Variants in HAAO observed in about 807,000 individuals in gnomAD.
HAAO encodes the protein 3-hydroxyanthranilate 3,4-dioxygenase.
HAAO carries 49 observed loss-of-function variants against 46.2 expected under a neutral mutation model. The ratio of observed to expected loss-of-function variants is 1.06; its 90% CI spans 0.84 to 1.34. The LOEUF (loss-of-function observed/expected upper bound fraction) is 1.34, where lower values mean the gene tolerates loss of function less well. Ranked by LOEUF, HAAO falls within the 40% of genes most tolerant of loss-of-function variation. The pLI is 0.00. For missense variants in HAAO, 408 were observed against 364.5 expected, an observed-to-expected ratio of 1.12 and a Z score of -0.97; for synonymous variants, 157 against 145.2, an observed-to-expected ratio of 1.08 and a Z score of -0.58.
At chr2:42,775,835 A>G (rs557039639) in intron 4 of HAAO, among the ~76,000 whole-genome samples, 113 of 147,866 alleles carry the variant, frequency 7.6e-4, no homozygotes, top group African/African-American at 2.8e-3. Flanking sequence ...CAGCTGTTAA[A>G]CTGCTTACTT....
chr2:42,767,908 G>C lies in HAAO; in HGVS notation c.651C>G (p.Gly217=). ...YETQVIAYGQ[G]SSEGLRQNVD... ...CATTCTGTCTCAGGCCTTCGCTGCT[G>C]CCTTGCCCATAGGCGATCACCTGGT... The change falls in exon 8 of 10, where the codon GGC becomes GGG. Residue 217 remains glycine (G), a synonymous_variant. Coordinates refer to ENST00000294973, the MANE Select transcript of HAAO (RefSeq NM_012205.3). 2 of 1,613,970 alleles carry C rather than the reference G, an allele frequency of 1.2e-6. No homozygotes were observed. The highest frequency in any genetic ancestry group is 1.7e-6 in the Non-Finnish European group (2 of 1,179,838).
At chr2:42,772,985 A>G (rs1382092882) in intron 4 of HAAO, among the ~76,000 whole-genome samples, 9 of 151,870 alleles carry the variant, frequency 5.9e-5, no homozygotes, top group Non-Finnish European at 1.0e-4. Flanking sequence ...CTTTTGGAAA[A>G]TCTATTTCCC....
At chr2:42,782,508 G>A (rs1672076154) in intron 4 of HAAO, among the ~76,000 whole-genome samples, 1 of 152,158 alleles carries the variant, frequency 6.6e-6, no homozygotes, top group Non-Finnish European at 1.5e-5. Flanking sequence ...TGGGACCAGA[G>A]ACTCAATTTC....
intron 4 of HAAO, chr2:42,783,097 A>G: frequency 1.7e-6 from 1 of 576,680 alleles, no homozygotes; most frequent in Non-Finnish European, 3.1e-6. Context: ...GTGAGCTTCC[A>G]GGGGGTCACA....
intron 4 of HAAO, among the ~76,000 whole-genome samples, chr2:42,774,412 G>T (rs1316035036): frequency 1.3e-5 from 2 of 152,194 alleles, no homozygotes; most frequent in African/African-American, 2.4e-5. Context: ...AGGTGTGGGA[G>T]CACCCCCTCT....
chr2:42,767,755 C>T, intron 8 of HAAO, 78 bp from the exon 9 acceptor site: 2 of 1,524,346 alleles, frequency 1.3e-6, no homozygotes, highest in South Asian at 2.2e-5. Context: ...TCTGCCTGGG[C>T]CCCAAGGCCC....
At chr2:42,770,364 C>T (rs1671016394) in intron 5 of HAAO, 129 bp downstream of exon 5, 2 of 896,090 alleles carry the variant, frequency 2.2e-6, no homozygotes, top group African/African-American at 1.7e-5. Context: ...CTCCCCCCTC[C>T]CCCCGGCCTG....
At chr2:42,769,594 TGTGTGTGTGTGA>T in intron 7 of HAAO, 107 bp downstream of exon 7, 2 of 673,896 alleles carry the variant, frequency 3.0e-6, no homozygotes, top group Non-Finnish European at 2.4e-6. Context: ...TGTGTGTGTG[TGTGTGTGTGTGA>T]GTGTGTGTGT....
chr2:42,772,010 T>C (rs1421933073), intron 4 of HAAO, among the ~76,000 whole-genome samples: 3 of 152,226 alleles, frequency 2.0e-5, no homozygotes, highest in South Asian at 2.1e-4. Context: ...AAATGTGTTA[T>C]TGAATTTGCT....
chr2:42,768,312 G>C (rs1573894162), intron 7 of HAAO, among the ~76,000 whole-genome samples: 1 of 152,290 alleles, frequency 6.6e-6, no homozygotes, highest in South Asian at 2.1e-4. Flanking sequence ...GGAGGAGGAG[G>C]GGACAAGGAA....
In HAAO at chr2:42,767,263, G is replaced by T. The variant is rs1219887766; in HGVS notation, c.*174C>A. On this transcript the variant is annotated 3_prime_UTR_variant, in exon 10 of 10. Transcript: ENST00000294973. ...ATGGGGAGCTGCTGCCCGCCCAGGGGCATGGCATCTGGGCTGAGAAGGGCA... is the reference window on the plus strand; with the variant it reads ...ATGGGGAGCTGCTGCCCGCCCAGGGTCATGGCATCTGGGCTGAGAAGGGCA... 3.2e-6 allele frequency: 2 copies of T among 629,438 alleles called. No individual in the cohort carries two copies. Among genetic ancestry groups the T allele is most frequent in the African/African-American group, 1.8e-5 (1 of 55,294 alleles). The allele number at this position is 629,438 out of a possible 1,614,324, so 39.0% of individuals were successfully genotyped here.
chr2:42,767,415 G>A lies in HAAO; in HGVS notation c.*22C>T. 2 of 1,583,494 alleles carry A rather than the reference G, an allele frequency of 1.3e-6. No individual in the cohort carries two copies. The highest frequency in any genetic ancestry group is 1.7e-6 in the Non-Finnish European group (2 of 1,154,868). On this transcript the variant is annotated 3_prime_UTR_variant, in exon 10 of 10. Coordinates refer to ENST00000294973, the MANE Select transcript of HAAO (RefSeq NM_012205.3). ...GAGGGTGCTTGGCACACCTGTGGCT[G>A]CTTCAGGCCATGGCAAGAGGGTCAC...
chr2:42,767,837 C>A, intron 8 of HAAO, 23 bp downstream of exon 8: 1 of 1,611,916 alleles, frequency 6.2e-7, no homozygotes, highest in Non-Finnish European at 8.5e-7. Context: ...GGTTCTGCAA[C>A]CCTGTCCCTG....
chr2:42,789,390 T>G (rs1237955606), intron 1 of HAAO, among the ~76,000 whole-genome samples: 1 of 152,030 alleles, frequency 6.6e-6, no homozygotes, highest in Non-Finnish European at 1.5e-5. Flanking sequence ...GCCAACATGG[T>G]GAAACCCTGT....
intron 1 of HAAO, among the ~76,000 whole-genome samples, 158 bp downstream of exon 1, chr2:42,792,299 G>A (rs1305590960): frequency 6.6e-6 from 1 of 152,156 alleles, no homozygotes; most frequent in African/African-American, 2.4e-5. Flanking sequence ...TGGTGGAACC[G>A]GAACAGCCTG....
At chr2:42,769,086 C>T (rs796853026) in intron 7 of HAAO, among the ~76,000 whole-genome samples, 9 of 152,308 alleles carry the variant, frequency 5.9e-5, no homozygotes, top group African/African-American at 1.9e-4. Context: ...GAGTGGGTTC[C>T]TCCTTTATCC....
chr2:42,771,244 A>G (rs974616180), intron 4 of HAAO, among the ~76,000 whole-genome samples: 5 of 151,778 alleles, frequency 3.3e-5, no homozygotes, highest in Non-Finnish European at 5.9e-5. Context: ...AATAAATACA[A>G]AAAATAGCCA....
Position 42,767,256 on chromosome 2 carries a change from C to T in HAAO, c.*181G>A. 1 of 624,974 alleles carries T rather than the reference C, an allele frequency of 1.6e-6. No individual in the cohort carries two copies. The highest frequency in any genetic ancestry group is 2.7e-5 in the East Asian group (1 of 36,472). 38.7% of individuals were successfully genotyped at this position (624,974 alleles called of 1,614,324 possible). On this transcript the variant is annotated 3_prime_UTR_variant, in exon 10 of 10. Transcript: ENST00000294973. The stretch of plus-strand genomic sequence containing the variant: ...AGAGAAGATGGGGAGCTGCTGCCCG[C>T]CCAGGGGCATGGCATCTGGGCTGAG...
rs1558659327 is a variant in HAAO at position 42,770,072 on chromosome 2, C to T, written c.484+71G>A. On this transcript the variant is annotated intron_variant, in intron 6 of 9. Transcript: ENST00000294973. ...TATTCAAAAAGAGACTCCCCGGTCC[C>T]CTGGACCAAAACCCATCCTATTTTG... 2.1e-6 allele frequency: 3 copies of T among 1,451,374 alleles called. No individual in the cohort carries two copies. In the South Asian group the frequency reaches 3.5e-5, roughly 17 times the overall value. 89.9% of individuals were successfully genotyped at this position (1,451,374 alleles called of 1,614,324 possible).
Sources: allele counts gnomAD v4.1 joint callset (sites outside exome capture counted in the v4.1 genomes callset), GRCh38; gene constraint gnomAD v4.1.1; transcripts MANE v1.5; gene names NCBI Gene and HGNC (gene_info 2026-07-23, HGNC 2026-07-21).